NMNAT2: variants seen among roughly 807,000 people sequenced by gnomAD.
The protein encoded by NMNAT2 is nicotinamide/nicotinic acid mononucleotide adenylyltransferase 2.
Under a neutral mutation model 41.6 loss-of-function variants are expected in NMNAT2, and 11 were observed. The ratio of observed to expected loss-of-function variants is 0.26; its 90% CI spans 0.17 to 0.44. The LOEUF (loss-of-function observed/expected upper bound fraction) is 0.44. NMNAT2 is among the 20% of genes least tolerant of loss of function. NMNAT2 has a pLI of 1.00. For missense variants in NMNAT2, 288 were observed against 407.7 expected (o/e 0.71, Z 2.53); for synonymous variants, 148 against 151.2 (o/e 0.98, Z 0.16).
chr1:183,278,526 G>C (rs200116451), intron 8 of NMNAT2, 27 bp downstream of exon 8: 1 of 1,546,110 alleles, frequency 6.5e-7, no homozygotes, highest in East Asian at 2.2e-5. Context: ...TCCCAGCTGG[G>C]TGCCAGGCAA....
At chr1:183,316,259 G>A (rs531200990) in intron 1 of NMNAT2, among the ~76,000 whole-genome samples, 3 of 152,270 alleles carry the variant, frequency 2.0e-5, no homozygotes, top group Admixed American at 1.3e-4. Context: ...AGAGCCATGC[G>A]AACAATGAAG....
intron 1 of NMNAT2, among the ~76,000 whole-genome samples, chr1:183,355,633 G>A (rs920615935): frequency 1.4e-4 from 21 of 152,212 alleles, no homozygotes; most frequent in African/African-American, 5.1e-4. Context: ...ATTAATAGAT[G>A]TGCATTACAT....
chr1:183,381,043 A>G (rs1663793025), intron 1 of NMNAT2, among the ~76,000 whole-genome samples: 1 of 152,180 alleles, frequency 6.6e-6, no homozygotes, highest in Non-Finnish European at 1.5e-5. Flanking sequence ...CAGGGATGAT[A>G]TAATGAGGAG....
intron 1 of NMNAT2, among the ~76,000 whole-genome samples, chr1:183,396,194 C>A (rs1648633900): frequency 6.6e-6 from 1 of 152,126 alleles, no homozygotes; most frequent in Admixed American, 6.5e-5. Flanking sequence ...ATTGTCACAG[C>A]CCCTAACACA....
chr1:183,284,087 G>A, intron 6 of NMNAT2, 48 bp from the exon 7 acceptor site: 1 of 1,528,644 alleles, frequency 6.5e-7, no homozygotes, highest in Middle Eastern at 1.9e-4. Context: ...AGGCTTCCTG[G>A]TACCCAACAC....
intron 10 of NMNAT2, among the ~76,000 whole-genome samples, chr1:183,257,551 A>G (rs1458665735): frequency 3.3e-5 from 5 of 152,202 alleles, no homozygotes; most frequent in African/African-American, 1.2e-4. Flanking sequence ...TACTACTTCA[A>G]TCTATTTGTT....
intron 10 of NMNAT2, among the ~76,000 whole-genome samples, chr1:183,256,322 T>G (rs984446607): frequency 7.9e-5 from 12 of 151,932 alleles, no homozygotes. Context: ...GGCAGGAGAA[T>G]CACGTGAACC....
intron 1 of NMNAT2, among the ~76,000 whole-genome samples, chr1:183,351,839 GA>G (rs1410115124): frequency 6.6e-6 from 1 of 152,158 alleles, no homozygotes; most frequent in East Asian, 1.9e-4. Flanking sequence ...CTTGGAAAGG[GA>G]GACTTGAATG....
chr1:183,283,923 C>T, intron 7 of NMNAT2, 72 bp downstream of exon 7: 2 of 1,449,978 alleles, frequency 1.4e-6, no homozygotes, highest in Non-Finnish European at 1.9e-6. Flanking sequence ...CTCTCTGCTC[C>T]CCATGTTGCC....
At chr1:183,402,396 A>T (rs1648836486) in intron 1 of NMNAT2, among the ~76,000 whole-genome samples, 3 of 152,222 alleles carry the variant, frequency 2.0e-5, no homozygotes, top group Non-Finnish European at 2.9e-5. Context: ...TGTTGTAACT[A>T]TGCATTAAGA....
At chr1:183,321,799 T>A (rs1662361031) in intron 1 of NMNAT2, among the ~76,000 whole-genome samples, 1 of 151,730 alleles carries the variant, frequency 6.6e-6, no homozygotes, top group African/African-American at 2.4e-5. Context: ...TTGGACTAGA[T>A]TTTTGGTTTT....
intron 4 of NMNAT2, among the ~76,000 whole-genome samples, chr1:183,288,697 G>A (rs1661456955): frequency 6.6e-6 from 1 of 152,256 alleles, no homozygotes; most frequent in Non-Finnish European, 1.5e-5. Flanking sequence ...AGGACTGCAG[G>A]AACTCCCCAG....
chr1:183,334,363 G>A (rs1215774443), intron 1 of NMNAT2, among the ~76,000 whole-genome samples: 1 of 151,914 alleles, frequency 6.6e-6, no homozygotes, highest in African/African-American at 2.4e-5. Context: ...CACCATACCC[G>A]GCCCTGTTGA....
intron 1 of NMNAT2, among the ~76,000 whole-genome samples, chr1:183,408,802 T>C (rs1373389713): frequency 6.6e-6 from 1 of 152,124 alleles, no homozygotes; most frequent in African/African-American, 2.4e-5. Context: ...GAAGCAATTA[T>C]GGCTTGAATT....
chr1:183,368,036 T>A (rs975479263), intron 1 of NMNAT2, among the ~76,000 whole-genome samples: 8 of 152,178 alleles, frequency 5.3e-5, no homozygotes, highest in African/African-American at 1.9e-4. Flanking sequence ...GTCTGCTGAA[T>A]GTGATAATTA....
intron 1 of NMNAT2, among the ~76,000 whole-genome samples, chr1:183,303,194 C>A (rs1323479315): frequency 6.6e-6 from 1 of 152,070 alleles, no homozygotes; most frequent in Non-Finnish European, 1.5e-5. Context: ...GGAGTCTCAC[C>A]CTCCCCCACA....
intron 1 of NMNAT2, among the ~76,000 whole-genome samples, chr1:183,413,743 A>G (rs928177217): frequency 6.6e-6 from 1 of 150,738 alleles, no homozygotes; most frequent in Non-Finnish European, 1.5e-5. Context: ...AGTAGCTGGG[A>G]CTACAGGCGC....
At chr1:183,409,211 T>G (rs1649047766) in intron 1 of NMNAT2, among the ~76,000 whole-genome samples, 1 of 152,144 alleles carries the variant, frequency 6.6e-6, no homozygotes, top group Non-Finnish European at 1.5e-5. Flanking sequence ...AAAAATTAAA[T>G]TAAATTTTAA....
intron 8 of NMNAT2, among the ~76,000 whole-genome samples, chr1:183,264,791 C>G (rs1228166779): frequency 6.6e-6 from 1 of 152,102 alleles, no homozygotes; most frequent in African/African-American, 2.4e-5. Context: ...AGCTGTCCTT[C>G]CCACCTCAAG....
Sources: gnomAD v4.1 joint callset for allele counts (sites outside exome capture counted in the v4.1 genomes callset) on GRCh38, gnomAD v4.1.1 for gene constraint, MANE v1.5 for transcripts, NCBI Gene and HGNC (gene_info 2026-07-23, HGNC 2026-07-21) for gene names.